BMPR1A: variants seen among roughly 807,000 people sequenced by gnomAD.
The protein encoded by BMPR1A is bone morphogenetic protein receptor type-1A.
A neutral mutation model predicts 66.0 loss-of-function variants in BMPR1A; 7 were observed. That is an observed-to-expected ratio of 0.11 (90% CI 0.06 to 0.20). The LOEUF (loss-of-function observed/expected upper bound fraction) is 0.20. BMPR1A is among the 10% of genes least tolerant of loss of function. BMPR1A has a pLI of 1.00. For missense variants in BMPR1A, 408 were observed against 669.1 expected (o/e 0.61, Z 4.31); for synonymous variants, 200 against 229.7 (o/e 0.87, Z 1.17).
chr10:86,914,472 CAG>C (rs549866528), intron 8 of BMPR1A, among the ~76,000 whole-genome samples: 21 of 152,212 alleles, frequency 1.4e-4, no homozygotes, highest in African/African-American at 4.1e-4. Flanking sequence ...ATTGGCAAAA[CAG>C]ATCTGATACA....
Position 86,909,461 on chromosome 10 carries a change from G to A in BMPR1A, c.531-2779G>A, listed in dbSNP as rs1447241518. Among the ~76,000 whole-genome samples, 5 of 152,028 alleles carry A rather than the reference G, an allele frequency of 3.3e-5. No individual in the cohort carries two copies. In the Middle Eastern group the frequency reaches 0.01, roughly 310 times the overall value. ...ACAAAAATTAGCCTGGTATGGTGGT[G>A]TGTGCCTGCAGTCCCAGCTACTTGG... is the stretch of plus-strand genomic sequence containing the variant. On this transcript the variant is annotated intron_variant, in intron 7 of 12. Transcript: ENST00000372037.
intron 3 of BMPR1A, among the ~76,000 whole-genome samples, chr10:86,880,479 A>C (rs1842972812): frequency 6.6e-6 from 1 of 152,258 alleles, no homozygotes; most frequent in South Asian, 2.1e-4. Context: ...TGTAAGCTTT[A>C]ATAGATATGG....
Position 86,923,883 on chromosome 10 carries a change from A to C in BMPR1A, c.*164A>C, listed in dbSNP as rs1208381978. On this transcript the variant is annotated 3_prime_UTR_variant, in exon 13 of 13. Transcript: ENST00000372037. ...TAAACCTTTCAGTACTCTTATTAGG[A>C]TACAAGCTGGGAACTTCTAAACACT... 1.3e-6 allele frequency: 1 copy of C among 790,380 alleles called. No homozygotes were observed. Among genetic ancestry groups the C allele is most frequent in the African/African-American group, 1.7e-5 (1 of 57,196 alleles). 49.0% of individuals were successfully genotyped at this position (790,380 alleles called of 1,614,324 possible). A position where few individuals can be genotyped will look rare whatever the true frequency, so the allele number is the denominator to read the frequency against.
intron 1 of BMPR1A, among the ~76,000 whole-genome samples, chr10:86,799,497 C>CCTTCCTTCCTTCCTTCCTTT (rs1291672601): frequency 4.6e-5 from 5 of 109,778 alleles, no homozygotes; most frequent in African/African-American, 2.1e-4. Context: ...TTCCTTCCTT[C>CCTTCCTTCCTTCCTTCCTTT]CTTCCTTCCT....
downstream of BMPR1A, chr10:86,932,071 C>T (rs1843815305): frequency 6.6e-6 from 1 of 152,228 alleles, no homozygotes; most frequent in Non-Finnish European, 1.5e-5. Context: ...CACCCAGATT[C>T]ATAAACTGCT....
At chr10:86,806,335 T>G (rs2132902630) in intron 1 of BMPR1A, among the ~76,000 whole-genome samples, 1 of 152,152 alleles carries the variant, frequency 6.6e-6, no homozygotes, top group South Asian at 2.1e-4. Context: ...CACAAATTTC[T>G]TATTCCTCAT....
intron 1 of BMPR1A, 144 bp downstream of exon 1, chr10:86,757,063 C>G (rs1305164421): frequency 6.6e-6 from 1 of 150,654 alleles, no homozygotes; most frequent in Non-Finnish European, 1.5e-5. Context: ...CTCCGCAGGC[C>G]TCGGCGCGCG....
chr10:86,772,292 G>A (rs1318709917), intron 1 of BMPR1A, among the ~76,000 whole-genome samples: 3 of 151,868 alleles, frequency 2.0e-5, no homozygotes, highest in African/African-American at 7.3e-5. Flanking sequence ...CACCATGCCC[G>A]GCTAATGTTT....
intron 2 of BMPR1A, among the ~76,000 whole-genome samples, chr10:86,846,963 T>C (rs775140668): frequency 1.3e-5 from 2 of 151,570 alleles, no homozygotes; most frequent in Non-Finnish European, 2.9e-5. Context: ...CCAGTTTGGG[T>C]GCTTTAATTT....
At chr10:86,801,756 C>A (rs1392997999) in intron 1 of BMPR1A, among the ~76,000 whole-genome samples, 1 of 152,046 alleles carries the variant, frequency 6.6e-6, no homozygotes, top group Non-Finnish European at 1.5e-5. Flanking sequence ...CTCTGTCTCC[C>A]AGGCTGGAGT....
At chr10:86,762,478 C>G (rs754905138) in intron 1 of BMPR1A, among the ~76,000 whole-genome samples, 14 of 152,094 alleles carry the variant, frequency 9.2e-5, no homozygotes, top group Non-Finnish European at 1.8e-4. Flanking sequence ...CCTGGCTCAG[C>G]TTCCCGAGTA....
At chr10:86,783,537 G>A (rs1374280812) in intron 1 of BMPR1A, among the ~76,000 whole-genome samples, 5 of 152,120 alleles carry the variant, frequency 3.3e-5, no homozygotes, top group African/African-American at 4.8e-5. Context: ...GTCATTTTTA[G>A]TGTACAAGTC....
rs1478172014 is a variant in BMPR1A, at chr10:86,899,998, T to C, written c.431-29T>C. The C allele has an allele frequency of 1.9e-6, 3 of 1,612,816 alleles. No homozygotes were observed. The South Asian group carries it at 3.3e-5, about 18-fold the overall frequency. Reference sequence around the variant, plus strand: ...ACGTCAGATTATTTTTTCATTTCAATTGTTTACATTGTTTACTTTTATTGT... The same window carrying C: ...ACGTCAGATTATTTTTTCATTTCAACTGTTTACATTGTTTACTTTTATTGT... On this transcript the variant is annotated intron_variant, in intron 6 of 12. Coordinates refer to ENST00000372037, the MANE Select transcript of BMPR1A (RefSeq NM_004329.3).
At chr10:86,807,046 A>G (rs1423753891) in intron 1 of BMPR1A, among the ~76,000 whole-genome samples, 1 of 152,092 alleles carries the variant, frequency 6.6e-6, no homozygotes, top group Admixed American at 6.6e-5. Context: ...AGAATCAGTC[A>G]TGTCTCTAAG....
chr10:86,890,160 T>G lies in BMPR1A; in HGVS notation c.166T>G (p.Leu56Val). 1 of 1,614,160 alleles carries G rather than the reference T, an allele frequency of 6.2e-7. No homozygotes were observed. The highest frequency in any genetic ancestry group is 8.5e-7 in the Non-Finnish European group (1 of 1,180,000). The change falls in exon 4 of 13, where the codon TTG becomes GTG. Residue 56 changes from leucine (L) to valine (V), a missense_variant. Coordinates refer to ENST00000372037, the MANE Select transcript of BMPR1A (RefSeq NM_004329.3). ...AGTAACCTTAGCACCAGAGGATACC[T>G]TGCCTTTTTTAAAGTGCTATTGCTC... Reference protein sequence around the residue: ...NGVTLAPEDTLPFLKCYCSGH... With the variant: ...NGVTLAPEDTVPFLKCYCSGH...
intron 2 of BMPR1A, among the ~76,000 whole-genome samples, chr10:86,847,037 T>G (rs1051086764): frequency 1.3e-5 from 2 of 152,142 alleles, no homozygotes; most frequent in Admixed American, 1.3e-4. Context: ...GTATTTTTAG[T>G]AGAGATGGGG....
At chr10:86,794,843 G>T (rs1160342670) in intron 1 of BMPR1A, among the ~76,000 whole-genome samples, 3 of 150,258 alleles carry the variant, frequency 2.0e-5, no homozygotes, top group African/African-American at 7.3e-5. Context: ...TAGATATATA[G>T]ATATAGATAT....
intron 10 of BMPR1A, 81 bp downstream of exon 10, chr10:86,919,550 A>C (rs1022492980): frequency 1.7e-5 from 27 of 1,553,842 alleles, no homozygotes; most frequent in Non-Finnish European, 2.2e-5. Flanking sequence ...AAGATAATGG[A>C]ATTCTAAAAA....
intron 1 of BMPR1A, among the ~76,000 whole-genome samples, chr10:86,782,065 G>T (rs530081762): frequency 1.6e-4 from 24 of 151,472 alleles, no homozygotes; most frequent in Admixed American, 7.9e-4. Flanking sequence ...GTTTCACTAC[G>T]TTGGTCAGCC....
Sources: gnomAD v4.1 joint callset for allele counts (sites outside exome capture counted in the v4.1 genomes callset) on GRCh38, gnomAD v4.1.1 for gene constraint, MANE v1.5 for transcripts, NCBI Gene and HGNC (gene_info 2026-07-23, HGNC 2026-07-21) for gene names.